Variants in ADGRL3 observed in about 807,000 individuals in gnomAD.
ADGRL3 encodes the protein calcium-independent alpha-latrotoxin receptor 3.
Under a neutral mutation model 153.5 loss-of-function variants are expected in ADGRL3, and 62 were observed. That is an observed-to-expected ratio of 0.40 (90% CI 0.33 to 0.50). The LOEUF is 0.50. Ranked by LOEUF, ADGRL3 falls within the 20% of genes least tolerant of loss-of-function variation. The pLI, the probability that ADGRL3 is intolerant of heterozygous loss-of-function variation, is 0.47. For synonymous variants in ADGRL3, 710 were observed against 672.5 expected, an observed-to-expected ratio of 1.06 and a Z score of -0.86; for missense variants, 1,641 against 1,859.4, an observed-to-expected ratio of 0.88 and a Z score of 2.16.
intron 8 of ADGRL3, among the ~76,000 whole-genome samples, chr4:61,764,008 A>G (rs931378926): frequency 6.6e-6 from 1 of 152,318 alleles, no homozygotes; most frequent in African/African-American, 2.4e-5. Flanking sequence ...CTAATCTTTT[A>G]TATCAACAAA....
chr4:61,924,710 G>C (rs1022892649), intron 13 of ADGRL3, among the ~76,000 whole-genome samples: 1 of 152,128 alleles, frequency 6.6e-6, no homozygotes, highest in Non-Finnish European at 1.5e-5. Context: ...TATTCTGGCT[G>C]TTCCCTCTGA....
At chr4:61,786,963 T>G (rs1183894651) in intron 8 of ADGRL3, among the ~76,000 whole-genome samples, 2 of 152,170 alleles carry the variant, frequency 1.3e-5, no homozygotes, top group Non-Finnish European at 2.9e-5. Context: ...GTCACACTGC[T>G]AATACTGTGA....
At chr4:61,679,910 A>T (rs1423328501) in intron 6 of ADGRL3, among the ~76,000 whole-genome samples, 1 of 152,064 alleles carries the variant, frequency 6.6e-6, no homozygotes, top group Non-Finnish European at 1.5e-5. Context: ...ATGTGGTGAA[A>T]GAAAGTGTTT....
At chr4:61,549,768 C>T (rs2098731947) in intron 4 of ADGRL3, among the ~76,000 whole-genome samples, 1 of 151,858 alleles carries the variant, frequency 6.6e-6, no homozygotes, top group African/African-American at 2.4e-5. Flanking sequence ...TTATTAAGCA[C>T]TAGAATATAT....
chr4:61,228,495 C>G lies in ADGRL3; in HGVS notation c.-240+26730C>G, dbSNP rs557227903. On this transcript the variant is annotated intron_variant, in intron 1 of 26. Coordinates refer to ENST00000683033, the MANE Select transcript of ADGRL3 (RefSeq NM_001387552.1). ...TAGAACTCATCAGTGTCATCAATCGCAATAACCACTATTTATATAGTAGAG... is the reference window on the plus strand; with the variant it reads ...TAGAACTCATCAGTGTCATCAATCGGAATAACCACTATTTATATAGTAGAG... Among the ~76,000 whole-genome samples the G allele has an allele frequency of 9.2e-4, 140 of 152,150 alleles. 3 individuals carry two copies. The South Asian group carries it at 0.026, about 28-fold the overall frequency.
chr4:61,400,808 C>T (rs2096920929), intron 2 of ADGRL3, among the ~76,000 whole-genome samples: 1 of 95,100 alleles, frequency 1.1e-5, no homozygotes. Flanking sequence ...ATATGTGCAG[C>T]TAAAGTTACA....
chr4:61,613,994 G>T (rs1051440511), intron 5 of ADGRL3, among the ~76,000 whole-genome samples: 1 of 152,040 alleles, frequency 6.6e-6, no homozygotes, highest in Admixed American at 6.6e-5. Flanking sequence ...TAGCGGTAAG[G>T]ATGGTTAGTG....
intron 4 of ADGRL3, among the ~76,000 whole-genome samples, chr4:61,570,580 T>G (rs1227466532): frequency 6.6e-6 from 1 of 152,178 alleles, no homozygotes; most frequent in Non-Finnish European, 1.5e-5. Context: ...TCCCTATCTT[T>G]CATAGTCTAT....
At chr4:61,947,393 A>G (rs141999883) in intron 16 of ADGRL3, among the ~76,000 whole-genome samples, 2 of 152,242 alleles carry the variant, frequency 1.3e-5, no homozygotes, top group East Asian at 3.9e-4. Context: ...AGTGTAGAGA[A>G]CTAAATTACA....
intron 5 of ADGRL3, among the ~76,000 whole-genome samples, chr4:61,609,220 G>A (rs1378834785): frequency 1.3e-5 from 2 of 152,020 alleles, no homozygotes; most frequent in Non-Finnish European, 2.9e-5. Context: ...ATTGTTTAAT[G>A]TTGAGATTAA....
chr4:61,537,424 G>A (rs2098663689), intron 4 of ADGRL3, among the ~76,000 whole-genome samples: 1 of 151,740 alleles, frequency 6.6e-6, no homozygotes, highest in African/African-American at 2.4e-5. Flanking sequence ...TTACCTCTCT[G>A]GCAAGATTAC....
chr4:61,960,435 A>G (rs560684357), intron 17 of ADGRL3, among the ~76,000 whole-genome samples: 1 of 152,194 alleles, frequency 6.6e-6, no homozygotes, highest in African/African-American at 2.4e-5. Context: ...GTATGTTAGC[A>G]GAACAGGCCG....
chr4:61,594,665 A>T (rs866533575), intron 5 of ADGRL3, among the ~76,000 whole-genome samples: 3 of 152,028 alleles, frequency 2.0e-5, no homozygotes, highest in African/African-American at 7.2e-5. Context: ...GTAATGATGG[A>T]ATCACCCCTG....
rs891964022 is a variant in ADGRL3 at position 61,747,532 on chromosome 4, G to C, written c.1399+13978G>C. ...CCATGATCAAGTGGGCTTCATCCCTGGGATGCAAGGCTGGTTCAATATATG... is the reference window on the plus strand; with the variant it reads ...CCATGATCAAGTGGGCTTCATCCCTCGGATGCAAGGCTGGTTCAATATATG... On this transcript the variant is annotated intron_variant, in intron 8 of 26. Transcript: ENST00000683033. 4.3e-4 allele frequency among the ~76,000 whole-genome samples: 62 copies of C among 145,738 alleles called. 1 individual carries two copies. The highest frequency in any genetic ancestry group is 8.5e-4 in the Non-Finnish European group (57 of 67,200).
rs77262835 is a variant in ADGRL3, at chr4:61,618,695, G to A, written c.473+31255G>A. On this transcript the variant is annotated intron_variant, in intron 5 of 26. Coordinates refer to ENST00000683033, the MANE Select transcript of ADGRL3 (RefSeq NM_001387552.1). ...GGCCAAATGTGCAAGCAGTTTTCAA[G>A]CCTATGATTTTTCCTTGTTCGTTTG... Among the ~76,000 whole-genome samples, 897 of 152,208 alleles carry A rather than the reference G, an allele frequency of 5.9e-3. 14 individuals are homozygous for A. The highest frequency in any genetic ancestry group is 0.02 in the African/African-American group (847 of 41,534).
rs546252008 is a variant in ADGRL3, at chr4:61,968,026, A to G, written c.2806-11537A>G. Among the ~76,000 whole-genome samples the G allele has an allele frequency of 1.6e-4, 24 of 152,328 alleles. No homozygotes were observed. In the South Asian group the frequency reaches 3.5e-3, roughly 22 times the overall value. On this transcript the variant is annotated intron_variant, in intron 17 of 26. Coordinates refer to ENST00000683033, the MANE Select transcript of ADGRL3 (RefSeq NM_001387552.1). ...GAGAAGGCCGAACTTGCCCACTCCC[A>G]TGATAACAATATTAATCCATTCATT...
At chr4:61,505,401 T>C (rs2152843249) in intron 3 of ADGRL3, among the ~76,000 whole-genome samples, 1 of 152,244 alleles carries the variant, frequency 6.6e-6, no homozygotes, top group South Asian at 2.1e-4. Context: ...TTATTATGAC[T>C]ATAAAAATTA....
chr4:62,076,310 C>T lies in ADGRL3; in HGVS notation c.*5402C>T, dbSNP rs373543342. 4 of 152,056 alleles carry T rather than the reference C, an allele frequency of 2.6e-5. No individual in the cohort carries two copies. The highest frequency in any genetic ancestry group is 3.9e-4 in the East Asian group (2 of 5,166). The allele number at this position is 152,056 out of a possible 1,614,324, so 9.4% of individuals were successfully genotyped here. On this transcript the variant is annotated 3_prime_UTR_variant, in exon 27 of 27. Transcript: ENST00000683033. The stretch of plus-strand genomic sequence containing the variant: ...ATTGTTCTCATTTGATAATTTGTGT[C>T]CCGTTACAGTATTTCAAAGGTAAAT...
intron 1 of ADGRL3, among the ~76,000 whole-genome samples, chr4:61,253,219 C>T (rs2091628714): frequency 1.3e-5 from 2 of 152,148 alleles, no homozygotes; most frequent in African/African-American, 2.4e-5. Flanking sequence ...CAGAAATTTG[C>T]AAACACAGCA....
Sources: allele counts gnomAD v4.1 joint callset (sites outside exome capture counted in the v4.1 genomes callset), GRCh38; gene constraint gnomAD v4.1.1; transcripts MANE v1.5; gene names NCBI Gene and HGNC (gene_info 2026-07-23, HGNC 2026-07-21).